The following SPIRE1 variants were observed in gnomAD, a reference collection of about 807,000 sequenced individuals.
The protein encoded by SPIRE1 is spire type actin nucleation factor 1.
In SPIRE1, 40 loss-of-function variants were observed where a neutral mutation model predicts 94.1. The ratio of observed to expected loss-of-function variants is 0.43; its 90% CI spans 0.33 to 0.55. SPIRE1 has a LOEUF of 0.55. SPIRE1 is among the 20% of genes least tolerant of loss of function. The pLI is 0.06. For missense variants in SPIRE1, 838 were observed against 975.2 expected (o/e 0.86, Z 1.87); for synonymous variants, 376 against 371.7 (o/e 1.01, Z -0.13).
Position 12,559,938 on chromosome 18 carries a change from C to T in SPIRE1, c.373-13034G>A, listed in dbSNP as rs1050225190. On this transcript the variant is annotated intron_variant, in intron 2 of 16. Coordinates refer to ENST00000409402, the MANE Select transcript of SPIRE1 (RefSeq NM_001128626.2). The surrounding 1 kb of genome is among the most constrained non-coding windows in gnomAD (Gnocchi z 4.7). ...TCTGATTAAAAATGGGCAAAAGATC[C>T]GAATAGACATTTCTCAAAGTAAGAA... 9.2e-5 allele frequency among the ~76,000 whole-genome samples: 14 copies of T among 152,024 alleles called. No individual in the cohort carries two copies. The highest frequency in any genetic ancestry group is 3.4e-4 in the African/African-American group (14 of 41,386).
chr18:12,527,461 T>C (rs960176689), intron 4 of SPIRE1, among the ~76,000 whole-genome samples: 3 of 152,196 alleles, frequency 2.0e-5, no homozygotes, highest in Admixed American at 6.5e-5. Flanking sequence ...AGGATAGGCC[T>C]TTCGGTGAAC....
At chr18:12,517,922 T>C (rs1286181898) in intron 4 of SPIRE1, among the ~76,000 whole-genome samples, 2 of 152,192 alleles carry the variant, frequency 1.3e-5, no homozygotes, top group Non-Finnish European at 2.9e-5. Flanking sequence ...ATTTAAACTA[T>C]CTTATTTCCC....
At chr18:12,460,545 T>C (rs2031743111) in intron 12 of SPIRE1, among the ~76,000 whole-genome samples, 1 of 152,110 alleles carries the variant, frequency 6.6e-6, no homozygotes, top group Non-Finnish European at 1.5e-5. Context: ...AAACCCCGTC[T>C]CTCCTAAGTA....
chr18:12,657,432 G>A (rs34472716), intron 1 of SPIRE1, 98 bp downstream of exon 1: 299,944 of 988,910 alleles, frequency 0.3, 48,188 homozygotes, highest in Non-Finnish European at 0.33. Context: ...AAAATGGGGG[G>A]GGACGGCGGG....
intron 3 of SPIRE1, among the ~76,000 whole-genome samples, chr18:12,544,200 T>C (rs2035088780): frequency 6.7e-6 from 1 of 149,256 alleles, no homozygotes; most frequent in African/African-American, 2.4e-5. Flanking sequence ...CTTTCTTTCT[T>C]TTTTTTTTTC....
Position 12,485,955 on chromosome 18 carries a change from T to C in SPIRE1, c.1231+4A>G. ...AGGTGTAAAAGTGTTTTTGTTTTTT[T>C]TACCTGACAAGTCAAAACTGTAAGA... On this transcript the variant is annotated splice_donor_region_variant and intron_variant, in intron 9 of 16. Coordinates refer to ENST00000409402, the MANE Select transcript of SPIRE1 (RefSeq NM_001128626.2). 6.5e-7 allele frequency: 1 copy of C among 1,533,490 alleles called. No individual in the cohort carries two copies. The highest frequency in any genetic ancestry group is 8.8e-7 in the Non-Finnish European group (1 of 1,141,372). 95.0% of individuals were successfully genotyped at this position (1,533,490 alleles called of 1,614,324 possible). A position where few individuals can be genotyped will look rare whatever the true frequency, so the allele number is the denominator to read the frequency against.
chr18:12,555,074 T>C (rs995716327), intron 2 of SPIRE1, among the ~76,000 whole-genome samples: 12 of 152,200 alleles, frequency 7.9e-5, no homozygotes, highest in African/African-American at 1.9e-4. Flanking sequence ...AACGCTTGTT[T>C]TCCCACACAT....
At chr18:12,490,802 A>G (rs913983154) in intron 8 of SPIRE1, among the ~76,000 whole-genome samples, 7 of 152,224 alleles carry the variant, frequency 4.6e-5, no homozygotes, top group African/African-American at 1.7e-4. Flanking sequence ...AATAAAGGCC[A>G]CATATGGAAA....
chr18:12,654,421 C>T (rs74927890), intron 1 of SPIRE1, among the ~76,000 whole-genome samples: 10,744 of 149,400 alleles, frequency 0.072, 537 homozygotes, highest in Non-Finnish European at 0.1. Context: ...CCGAGACGGG[C>T]GGATCACGAG....
chr18:12,642,973 C>T (rs1369329882), intron 1 of SPIRE1, among the ~76,000 whole-genome samples: 1 of 151,898 alleles, frequency 6.6e-6, no homozygotes, highest in Non-Finnish European at 1.5e-5. Flanking sequence ...GAATAGAAGA[C>T]ATAATATTTG....
chr18:12,647,458 T>C (rs1204959033), intron 1 of SPIRE1, among the ~76,000 whole-genome samples: 1 of 152,114 alleles, frequency 6.6e-6, no homozygotes, highest in African/African-American at 2.4e-5. Context: ...TCTTCTTCTA[T>C]ATTAAAAACA....
At chr18:12,659,810 G>T (rs1044865420), upstream of SPIRE1, among the ~76,000 whole-genome samples, 6 of 152,144 alleles carry the variant, frequency 3.9e-5, no homozygotes, top group Admixed American at 1.3e-4. Flanking sequence ...TAGCAATGCA[G>T]TATCTATGTG....
intron 2 of SPIRE1, among the ~76,000 whole-genome samples, chr18:12,619,818 C>A (rs1598542133): frequency 1.4e-5 from 2 of 142,224 alleles, no homozygotes; most frequent in South Asian, 4.5e-4. Context: ...TGCACTCCAG[C>A]CTGGGCAACA....
At position 12,452,470 on chromosome 18, in the gene SPIRE1, C is replaced by G; in HGVS notation, c.1875+15G>C. The G allele has an allele frequency of 6.2e-7, 1 of 1,614,028 alleles. No individual in the cohort carries two copies. Among genetic ancestry groups the G allele is most frequent in the South Asian group, 1.1e-5 (1 of 91,082 alleles). ...TAAAAGGAACACAAGTATAAATGAA[C>G]CAAGCTTAGCTTACCTTTTTGCAAC... On this transcript the variant is annotated intron_variant, in intron 15 of 16. Transcript: ENST00000409402.
rs192856491 is a variant in SPIRE1, at chr18:12,559,328, G to A, written c.373-12424C>T. Among the ~76,000 whole-genome samples the A allele has an allele frequency of 1.4e-4, 22 of 152,312 alleles. No individual in the cohort carries two copies. The highest frequency in any genetic ancestry group is 4.6e-4 in the African/African-American group (19 of 41,568). ...CAGCGCACCCTCCACAGCTGCTGGC[G>A]CGGGTGCTAAGCCTCTCATTGCCCG... On this transcript the variant is annotated intron_variant, in intron 2 of 16. Transcript: ENST00000409402. This position sits in a 1 kb window ranked among gnomAD's most constrained non-coding sequence, Gnocchi z 4.7.
In SPIRE1 at chr18:12,490,830, T is replaced by C. The variant is rs943649370; in HGVS notation, c.1189+2242A>G. 3.9e-5 allele frequency among the ~76,000 whole-genome samples: 6 copies of C among 152,270 alleles called. No homozygotes were observed. The East Asian group carries it at 1.2e-3, about 29-fold the overall frequency. On this transcript the variant is annotated intron_variant, in intron 8 of 16. Transcript: ENST00000409402. The stretch of plus-strand genomic sequence containing the variant: ...TATGGAAAGCTGACAGCTAACATCA[T>C]ACTCAATAAGGGAAAACTGAAAGCT...
At chr18:12,498,971 C>T (rs1378453657) in intron 6 of SPIRE1, among the ~76,000 whole-genome samples, 2 of 152,078 alleles carry the variant, frequency 1.3e-5, no homozygotes, top group Non-Finnish European at 2.9e-5. Context: ...ACTAAGTTGC[C>T]CAGGCTACTC....
chr18:12,646,748 T>A (rs1016211799), intron 1 of SPIRE1, among the ~76,000 whole-genome samples: 6 of 152,004 alleles, frequency 3.9e-5, no homozygotes, highest in African/African-American at 1.4e-4. Context: ...AGACTTAATT[T>A]AAAAAAATGT....
At chr18:12,640,657 T>C (rs2144846770) in intron 1 of SPIRE1, among the ~76,000 whole-genome samples, 1 of 152,248 alleles carries the variant, frequency 6.6e-6, no homozygotes, top group South Asian at 2.1e-4. Context: ...GTAAGATTCC[T>C]CCAAAAGATG....
Sources: allele counts gnomAD v4.1 joint callset (sites outside exome capture counted in the v4.1 genomes callset), GRCh38; gene constraint gnomAD v4.1.1; non-coding constraint Gnocchi (gnomAD v3.1); transcripts MANE v1.5; gene names NCBI Gene and HGNC (gene_info 2026-07-23, HGNC 2026-07-21).